TMEM260: variants seen among roughly 807,000 people sequenced by gnomAD.
The protein encoded by TMEM260 is protein O-mannosyl-transferase TMEM260.
Under a neutral mutation model 88.9 loss-of-function variants are expected in TMEM260, and 82 were observed. The observed-to-expected ratio is 0.92, with a 90% CI of 0.77 to 1.11. TMEM260 has a LOEUF of 1.11. Ranked by LOEUF, TMEM260 falls within the 50% of genes least tolerant of loss-of-function variation. The probability of loss-of-function intolerance (pLI) is 0.00; values close to 1 mark genes in which losing one functional copy is unlikely to be tolerated. For synonymous variants in TMEM260, 314 were observed against 309.3 expected (o/e 1.02, Z -0.16); for missense variants, 902 against 853.4 (o/e 1.06, Z -0.71).
chr14:56,642,153 C>T (rs139807238), intron 15 of TMEM260, among the ~76,000 whole-genome samples: 6,709 of 152,174 alleles, frequency 0.044, 223 homozygotes, highest in East Asian at 0.1. Flanking sequence ...CTGCACGAAG[C>T]GGACCTAATA....
In TMEM260 at chr14:56,647,387, C is replaced by T. The variant is rs369556391; in HGVS notation, c.2014C>T (p.Arg672Cys). ...GTTATCGGAAACCATCAGACATTTC[C>T]GTCTGTACTCTCAGAAAGCACCGAA... ...VLLSETIRHFRLYSQKAPNDP... is the reference protein window; with the variant it reads ...VLLSETIRHFCLYSQKAPNDP... Residue 672 changes from arginine (R) to cysteine (C), a missense_variant, in exon 16 of 16, where the codon CGT becomes TGT. Physicochemically the swap from Arg to Cys is radical, Grantham distance 180. Transcript: ENST00000261556. The T allele has an allele frequency of 2.6e-5, 42 of 1,614,040 alleles. No homozygotes were observed. The highest frequency in any genetic ancestry group is 3.1e-5 in the Non-Finnish European group (37 of 1,180,030).
intron 4 of TMEM260, among the ~76,000 whole-genome samples, chr14:56,605,318 G>C (rs1886827517): frequency 6.6e-6 from 1 of 152,056 alleles, no homozygotes; most frequent in Non-Finnish European, 1.5e-5. Flanking sequence ...TATCATACAG[G>C]ATTTTCTAAA....
chr14:56,616,749 T>C (rs1887617485), intron 8 of TMEM260, among the ~76,000 whole-genome samples: 1 of 152,100 alleles, frequency 6.6e-6, no homozygotes, highest in Non-Finnish European at 1.5e-5. Flanking sequence ...TCAATGATTA[T>C]TAATATTTTT....
At position 56,580,004 on chromosome 14, in the gene TMEM260, G is replaced by GGCGGTGTTCGCCGCCGTGGCC. The variant is rs1885001313; in HGVS notation, c.93_113dup (p.Ala34_Phe40dup). 9.6e-6 allele frequency: 12 copies of GGCGGTGTTCGCCGCCGTGGCC among 1,247,334 alleles called. No individual in the cohort carries two copies. The highest frequency in any genetic ancestry group is 1.2e-5 in the Non-Finnish European group (12 of 989,170). The allele number at this position is 1,247,334 out of a possible 1,614,324, so 77.3% of individuals were successfully genotyped here. A position where few individuals can be genotyped will look rare whatever the true frequency, so the allele number is the denominator to read the frequency against. Reference sequence around the variant, plus strand: ...GCTCCGGGGGCATCCGCGGCGGCGTGGCGGTGTTCGCCGCCGTGGCCGCAG... The same window carrying GGCGGTGTTCGCCGCCGTGGCC: ...GCTCCGGGGGCATCCGCGGCGGCGTGGCGGTGTTCGCCGCCGTGGCCGCGGTGTTCGCCGCCGTGGCCGCAG... On this transcript the variant is annotated inframe_insertion, in exon 1 of 16. Transcript: ENST00000261556.
chr14:56,637,476 C>CAA (rs567104542), intron 15 of TMEM260, among the ~76,000 whole-genome samples: 2 of 152,192 alleles, frequency 1.3e-5, no homozygotes, highest in Non-Finnish European at 2.9e-5. Flanking sequence ...GGAGCAGATA[C>CAA]AAGAGGCTTG....
downstream of TMEM260, among the ~76,000 whole-genome samples, chr14:56,652,183 C>T (rs963311931): frequency 6.6e-6 from 1 of 152,142 alleles, no homozygotes; most frequent in Admixed American, 6.5e-5. Flanking sequence ...ACCCTGGATC[C>T]TTGAGTATCA....
At position 56,634,881 on chromosome 14, in the gene TMEM260, G is replaced by T. The variant is rs746922461; in HGVS notation, c.1725-18G>T. ...AAGTGGGTGACAGAAAGATATTACT[G>T]TTTTCTTGTAACTACAGGTTTGATC... On this transcript the variant is annotated intron_variant, in intron 13 of 15. Transcript: ENST00000261556. 1 of 1,599,716 alleles carries T rather than the reference G, an allele frequency of 6.3e-7. No homozygotes were observed. The highest frequency in any genetic ancestry group is 1.1e-5 in the South Asian group (1 of 88,686).
At position 56,638,971 on chromosome 14, in the gene TMEM260, A is replaced by T. The variant is rs2139643555; in HGVS notation, c.1869+2373A>T. On this transcript the variant is annotated intron_variant, in intron 15 of 15. Transcript: ENST00000261556. ...CTCAAGATATGGTACATGTGACTTA[A>T]TAGGACATCTAAAATAAGTTGATAA... Among the ~76,000 whole-genome samples, 3 of 152,318 alleles carry T rather than the reference A, an allele frequency of 2.0e-5. No homozygotes were observed. In the South Asian group the frequency reaches 6.2e-4, roughly 32 times the overall value.
At chr14:56,632,570 G>A (rs949238761) in intron 12 of TMEM260, among the ~76,000 whole-genome samples, 1 of 127,246 alleles carries the variant, frequency 7.9e-6, no homozygotes, top group African/African-American at 2.6e-5. Flanking sequence ...GACTTTTCTT[G>A]GAGCTTTTTT....
intron 1 of TMEM260, among the ~76,000 whole-genome samples, chr14:56,580,337 C>T (rs1417646861): frequency 6.6e-6 from 1 of 152,198 alleles, no homozygotes; most frequent in Non-Finnish European, 1.5e-5. Context: ...TCTCCACTTC[C>T]CCAGATCTTT....
chr14:56,618,601 G>A lies in TMEM260; in HGVS notation c.1064G>A (p.Arg355Gln), dbSNP rs564143023. 16 of 1,613,804 alleles carry A rather than the reference G, an allele frequency of 9.9e-6. No individual in the cohort carries two copies. In the African/African-American group the frequency reaches 2.0e-4, roughly 20 times the overall value. The change falls in exon 10 of 16, where the codon CGA becomes CAA. Residue 355 changes from arginine to glutamine, a missense_variant. Coordinates refer to ENST00000261556, the MANE Select transcript of TMEM260 (RefSeq NM_017799.4). Reference sequence around the variant, plus strand: ...TGCATGTCTCTTTCACAGGTGGAACGATTCTGGATGCAGAGCAATGCAGTA... The same window carrying A: ...TGCATGTCTCTTTCACAGGTGGAACAATTCTGGATGCAGAGCAATGCAGTA... Reference protein sequence around the residue: ...SKPLFMGVVERFWMQSNAVVA... With the variant: ...SKPLFMGVVEQFWMQSNAVVA...
rs148716862 is a variant in TMEM260, at chr14:56,636,587, C to G, written c.1858C>G (p.Gln620Glu). 5.6e-6 allele frequency: 9 copies of G among 1,613,688 alleles called. No individual in the cohort carries two copies. In the African/African-American group the frequency reaches 1.2e-4, roughly 22 times the overall value. ...PSKVKAQLYA[Q>E]AYDLYKEIVY... ...AAAAGTGAAAGCTCAACTCTACGCT[C>G]AAGCATATGACGTATGTTACACTTT... The change falls in exon 15 of 16, where the codon CAA (glutamine) becomes GAA (glutamate). Residue 620 changes from glutamine to glutamate, a missense_variant. Transcript: ENST00000261556.
At chr14:56,662,025 AG>A in the TMEM260 span, among the ~76,000 whole-genome samples, 1 of 152,162 alleles carries the variant, frequency 6.6e-6, no homozygotes, top group South Asian at 2.1e-4. Context: ...GGGCCCCCAG[AG>A]GTCTGCCTTT....
At chr14:56,579,702 G>C, upstream of TMEM260, 1 of 402,206 alleles carries the variant, frequency 2.5e-6, no homozygotes, top group Non-Finnish European at 4.3e-6. Flanking sequence ...GTGGTGCACT[G>C]CGGGAAAACT....
chr14:56,646,555 C>T lies in TMEM260; in HGVS notation c.1870-688C>T, dbSNP rs193291056. ...AGTATAAAAAAAATTTAACTCTATC[C>T]AATTAATACTGTCTCTGATGTTGAA... On this transcript the variant is annotated intron_variant, in intron 15 of 15. Coordinates refer to ENST00000261556, the MANE Select transcript of TMEM260 (RefSeq NM_017799.4). Among the ~76,000 whole-genome samples, 8 of 152,232 alleles carry T rather than the reference C, an allele frequency of 5.3e-5. No individual in the cohort carries two copies. The East Asian group carries it at 1.5e-3, about 29-fold the overall frequency.
At chr14:56,656,891 GCA>G in the TMEM260 span, among the ~76,000 whole-genome samples, 211 of 152,234 alleles carry the variant, frequency 1.4e-3, no homozygotes, top group Non-Finnish European at 2.5e-3. Flanking sequence ...GCACACGCAT[GCA>G]CACACACAAG....
Position 56,594,546 on chromosome 14 carries a change from A to G in TMEM260, c.344+8634A>G, listed in dbSNP as rs76271207. On this transcript the variant is annotated intron_variant, in intron 3 of 15. Transcript: ENST00000261556. ...AAGTGAAAATACAATCATGTTTTTG[A>G]TTATGTCATTTTTATTTGAAAAAAT... Among the ~76,000 whole-genome samples the G allele has an allele frequency of 9.7e-3, 1,475 of 152,262 alleles. 18 individuals are homozygous for G. Among genetic ancestry groups the G allele is most frequent in the Non-Finnish European group, 9.7e-3 (661 of 68,012 alleles).
intron 12 of TMEM260, 36 bp downstream of exon 12, chr14:56,625,566 TCTTAAG>T: frequency 6.5e-7 from 1 of 1,530,132 alleles, no homozygotes; most frequent in Admixed American, 1.9e-5. Context: ...TTTTCTAAAA[TCTTAAG>T]CTTTTCTAAA....
chr14:56,579,591 A>C (rs1566517749), upstream of TMEM260: 1 of 269,946 alleles, frequency 3.7e-6, no homozygotes, highest in Admixed American at 5.3e-5. Context: ...GGGAATAGCC[A>C]TGGAGAAGGT....
Sources: gnomAD v4.1 joint callset for allele counts (sites outside exome capture counted in the v4.1 genomes callset) on GRCh38, gnomAD v4.1.1 for gene constraint, MANE v1.5 for transcripts, NCBI Gene and HGNC (gene_info 2026-07-23, HGNC 2026-07-21) for gene names.